ANKS1B: variants seen among roughly 807,000 people sequenced by gnomAD.
The protein encoded by ANKS1B is ankyrin repeat and sterile alpha motif domain containing 1B.
In ANKS1B, 36 loss-of-function variants were observed where a neutral mutation model predicts 148.3. The ratio of observed to expected loss-of-function variants is 0.24; its 90% confidence interval spans 0.19 to 0.32. The LOEUF is 0.32. Among genes scored for constraint, ANKS1B ranks in the 10% least tolerant of loss-of-function variants. ANKS1B has a pLI of 1.00. For missense variants in ANKS1B, 1,157 were observed against 1,542.6 expected, an observed-to-expected ratio of 0.75 and a Z score of 4.19; for synonymous variants, 542 against 560.8, an observed-to-expected ratio of 0.97 and a Z score of 0.47.
rs748592945 is a variant in ANKS1B, at chr12:99,504,610, A to G, written c.1304T>C (p.Met435Thr). Residue 435 changes from methionine (M) to threonine (T), a missense_variant, in exon 10 of 27, where the codon ATG becomes ACG. Met to Thr is a moderately conservative substitution (Grantham distance 81, BLOSUM62 -1). This residue lies in a region of ANKS1B where 661 missense variants were observed against 642.1 expected (regional missense o/e 1.03). Transcript: ENST00000683438. Reference protein sequence around the residue: ...ESYPKKRNYTMEIVPSASLDT... With the variant: ...ESYPKKRNYTTEIVPSASLDT... ...CAGAGAAGCAGATGGTACAATTTCC[A>G]TAGTGTAATTTCTCTTCTTTGGATA... is the stretch of plus-strand genomic sequence containing the variant. 6.2e-7 allele frequency: 1 copy of G among 1,605,534 alleles called. No homozygotes were observed. Among genetic ancestry groups the G allele is most frequent in the Non-Finnish European group, 8.5e-7 (1 of 1,175,740 alleles).
chr12:99,393,839 C>T (rs542811826), intron 12 of ANKS1B, among the ~76,000 whole-genome samples: 9 of 152,160 alleles, frequency 5.9e-5, no homozygotes, highest in Non-Finnish European at 1.3e-4. Context: ...TCACTTCCCT[C>T]TTCATCTTGA....
rs190004728 is a variant in ANKS1B at position 99,246,363 on chromosome 12, C to G, written c.2258G>C (p.Arg753Thr). The G allele has an allele frequency of 1.3e-4, 214 of 1,613,780 alleles. 1 individual carries two copies. The African/African-American group carries it at 2.7e-3, about 20-fold the overall frequency. The change falls in exon 13 of 27, where the codon AGA becomes ACA. Residue 753 changes from arginine (R) to threonine (T), a missense_variant. Coordinates refer to ENST00000683438, the MANE Select transcript of ANKS1B (RefSeq NM_001352186.2). ...IAYPSNEKTS[R>T]VNWSESSTAE... ...AGTGGAAGATTCACTCCAGTTAACTCTTGATGTTTTCTCATTGGAAGGATA... is the reference window on the plus strand; with the variant it reads ...AGTGGAAGATTCACTCCAGTTAACTGTTGATGTTTTCTCATTGGAAGGATA...
rs1250201016 is a variant in ANKS1B, at chr12:98,801,801, T to C, written c.3142-676A>G. 6.6e-6 allele frequency among the ~76,000 whole-genome samples: 1 copy of C among 152,222 alleles called. No individual in the cohort carries two copies. The highest frequency in any genetic ancestry group is 1.5e-5 in the Non-Finnish European group (1 of 68,038). ...GTCACATGTACATAGGCATGTACTT[T>C]GAGGATTCTGATTCACAAATACAAG... On this transcript the variant is annotated intron_variant, in intron 20 of 26. Coordinates refer to ENST00000683438, the MANE Select transcript of ANKS1B (RefSeq NM_001352186.2). The surrounding 1 kb of genome is among the most constrained non-coding windows in gnomAD (Gnocchi z 5.2).
intron 1 of ANKS1B, among the ~76,000 whole-genome samples, chr12:99,886,054 C>T (rs2092807678): frequency 6.6e-6 from 1 of 152,128 alleles, no homozygotes; most frequent in Non-Finnish European, 1.5e-5. Context: ...ATGAATTGTT[C>T]TGTGATAAAC....
At chr12:99,433,763 A>G (rs2095416653) in intron 11 of ANKS1B, among the ~76,000 whole-genome samples, 2 of 152,140 alleles carry the variant, frequency 1.3e-5, no homozygotes, top group Admixed American at 1.3e-4. Flanking sequence ...CAGCATTGAA[A>G]GCTCTGGAAC....
intron 11 of ANKS1B, among the ~76,000 whole-genome samples, chr12:99,427,551 C>G (rs1372100053): frequency 6.6e-6 from 1 of 152,194 alleles, no homozygotes; most frequent in East Asian, 1.9e-4. Flanking sequence ...CTGTTTGACT[C>G]TGTGTAGTTA....
intron 16 of ANKS1B, among the ~76,000 whole-genome samples, chr12:99,070,387 C>T (rs2153584854): frequency 6.6e-6 from 1 of 152,294 alleles, no homozygotes; most frequent in Non-Finnish European, 1.5e-5. Context: ...GTAACTATGT[C>T]ACTTGTTTAG....
chr12:99,213,226 C>T (rs7980817), intron 14 of ANKS1B, among the ~76,000 whole-genome samples: 1 of 152,194 alleles, frequency 6.6e-6, no homozygotes, highest in Non-Finnish European at 1.5e-5. Context: ...ATCCGCACGG[C>T]CTGCTTCTCT....
At chr12:99,673,083 G>T (rs894731866) in intron 8 of ANKS1B, among the ~76,000 whole-genome samples, 1 of 151,894 alleles carries the variant, frequency 6.6e-6, no homozygotes, top group African/African-American at 2.4e-5. Flanking sequence ...AAGAAATCAA[G>T]AACACTGATC....
chr12:98,901,409 T>A (rs570221704), intron 17 of ANKS1B, among the ~76,000 whole-genome samples: 1 of 152,318 alleles, frequency 6.6e-6, no homozygotes, highest in South Asian at 2.1e-4. Context: ...CTCCATTTTA[T>A]CTGTGGGATG....
chr12:99,422,593 T>C (rs1213813675), intron 11 of ANKS1B, among the ~76,000 whole-genome samples: 1 of 152,136 alleles, frequency 6.6e-6, no homozygotes. Flanking sequence ...AATGCCGTAA[T>C]CCTGATGTTT....
chr12:99,773,503 T>C (rs1167228144), intron 7 of ANKS1B, among the ~76,000 whole-genome samples: 4 of 152,094 alleles, frequency 2.6e-5, no homozygotes, highest in African/African-American at 4.8e-5. Context: ...ACAGAAATAG[T>C]ACAAGTTATT....
intron 7 of ANKS1B, 52 bp from the exon 8 acceptor site, chr12:99,773,140 A>G: frequency 6.9e-7 from 1 of 1,459,674 alleles, no homozygotes; most frequent in South Asian, 1.3e-5. Context: ...GTTAAAACTT[A>G]ATGTTAAGCA....
intron 10 of ANKS1B, among the ~76,000 whole-genome samples, chr12:99,490,853 T>C (rs2096547943): frequency 6.6e-6 from 1 of 152,248 alleles, no homozygotes; most frequent in Non-Finnish European, 1.5e-5. Flanking sequence ...TAGATATATC[T>C]GACAAGTCTA....
intron 10 of ANKS1B, among the ~76,000 whole-genome samples, chr12:99,476,003 T>A (rs997968457): frequency 6.6e-6 from 1 of 152,160 alleles, no homozygotes; most frequent in African/African-American, 2.4e-5. Flanking sequence ...AAATAAATTA[T>A]AGGAGTTCAT....
intron 12 of ANKS1B, among the ~76,000 whole-genome samples, chr12:99,324,458 G>T (rs1424211833): frequency 6.6e-6 from 1 of 152,060 alleles, no homozygotes; most frequent in African/African-American, 2.4e-5. Context: ...ACGACCCTCT[G>T]ATTTTGCTTT....
intron 1 of ANKS1B, among the ~76,000 whole-genome samples, chr12:99,923,817 T>C (rs1451305168): frequency 6.6e-6 from 1 of 152,140 alleles, no homozygotes; most frequent in Admixed American, 6.6e-5. Context: ...AAACTCATTA[T>C]GGGCAGAGAC....
intron 1 of ANKS1B, among the ~76,000 whole-genome samples, chr12:99,878,952 ATTGTTT>A (rs1469328297): frequency 3.3e-5 from 5 of 151,482 alleles, no homozygotes; most frequent in African/African-American, 1.2e-4. Flanking sequence ...TGTTATTGTT[ATTGTTT>A]ATTTCTTTGT....
intron 2 of ANKS1B, among the ~76,000 whole-genome samples, chr12:99,821,850 A>G (rs1039920369): frequency 6.6e-6 from 1 of 152,206 alleles, no homozygotes; most frequent in South Asian, 2.1e-4. Context: ...CTGGTGACTC[A>G]GGTAAAAAAA....
Sources: gnomAD v4.1 joint callset for allele counts (sites outside exome capture counted in the v4.1 genomes callset) on GRCh38, gnomAD v4.1.1 for gene constraint, gnomAD v4.1.1 regional missense constraint, Gnocchi (gnomAD v3.1) non-coding constraint, MANE v1.5 for transcripts, NCBI Gene and HGNC (gene_info 2026-07-23, HGNC 2026-07-21) for gene names.